ARHGAP28: variants seen among roughly 807,000 people sequenced by gnomAD.
ARHGAP28 encodes the protein rho GTPase-activating protein 28.
A neutral mutation model predicts 90.7 loss-of-function variants in ARHGAP28; 56 were observed. That is an observed-to-expected ratio of 0.62 (90% CI 0.50 to 0.77). The LOEUF (loss-of-function observed/expected upper bound fraction) is 0.77. Among genes scored for constraint, ARHGAP28 ranks in the 30% least tolerant of loss-of-function variants. The pLI, the probability that ARHGAP28 is intolerant of heterozygous loss-of-function variation, is 0.00. For synonymous variants in ARHGAP28, 308 were observed against 323.3 expected (o/e 0.95, Z 0.51); for missense variants, 869 against 900.9 (o/e 0.96, Z 0.45).
intron 1 of ARHGAP28, among the ~76,000 whole-genome samples, chr18:6,766,540 GT>G (rs1272373216): frequency 1.3e-5 from 2 of 152,116 alleles, no homozygotes; most frequent in African/African-American, 4.8e-5. Context: ...TGAGCACAGC[GT>G]GGTACTAAAC....
rs549380700 is a variant in ARHGAP28, at chr18:6,765,096, C to T, written c.122+35153C>T. Among the ~76,000 whole-genome samples, 10 of 152,188 alleles carry T rather than the reference C, an allele frequency of 6.6e-5. 2 individuals carry two copies. The highest frequency in any genetic ancestry group is 1.9e-4 in the East Asian group (1 of 5,184). On this transcript the variant is annotated intron_variant, in intron 1 of 17. Transcript: ENST00000383472. ...GGATTTCTGTGTCTATGTTTGTAAA[C>T]GATGTTGGTCCATAGGTTTTTGTTC...
intron 1 of ARHGAP28, among the ~76,000 whole-genome samples, chr18:6,762,416 T>G (rs2056168792): frequency 6.6e-6 from 1 of 152,228 alleles, no homozygotes; most frequent in Non-Finnish European, 1.5e-5. Context: ...GCTGTTTCTC[T>G]TTTTCAGTCT....
At chr18:6,790,877 G>A (rs576666352) in intron 1 of ARHGAP28, 1 of 152,110 alleles carries the variant, frequency 6.6e-6, no homozygotes, top group Admixed American at 6.5e-5. Context: ...AGAAAAGAAG[G>A]AATGAAAGAA....
chr18:6,829,998 T>C (rs1334773072), intron 2 of ARHGAP28, among the ~76,000 whole-genome samples: 1 of 152,180 alleles, frequency 6.6e-6, no homozygotes, highest in African/African-American at 2.4e-5. Context: ...TGGTGTTCCT[T>C]GGCTGTTGAC....
At chr18:6,842,857 T>G (rs2056837954) in intron 3 of ARHGAP28, among the ~76,000 whole-genome samples, 1 of 152,246 alleles carries the variant, frequency 6.6e-6, no homozygotes, top group South Asian at 2.1e-4. Flanking sequence ...CATAAATATA[T>G]ATACCTACCA....
At chr18:6,890,355 A>G (rs1002067121) in intron 13 of ARHGAP28, 75 bp from the exon 14 acceptor site, 1 of 952,346 alleles carries the variant, frequency 1.1e-6, no homozygotes, top group Non-Finnish European at 1.6e-6. Flanking sequence ...AGGAGTTGCC[A>G]TGCCTGAAGA....
In ARHGAP28 at chr18:6,890,442, T is replaced by A; in HGVS notation, c.1747T>A (p.Leu583Ile). The change falls in exon 14 of 18, where the codon TTA becomes ATA. Residue 583 changes from leucine to isoleucine, a missense_variant. By Grantham distance (5) the Leu-to-Ile change is conservative. Transcript: ENST00000383472. ...TTTTCTTCTCCAGGTTCCATCTTTC[T>A]TAATCACTCAAGTAAGAAGAATGAA... ...QKILWKVPSF[L>I]ITQVRRMNEA... 1 of 1,610,274 alleles carries A rather than the reference T, an allele frequency of 6.2e-7. No homozygotes were observed. Among genetic ancestry groups the A allele is most frequent in the African/African-American group, 1.3e-5 (1 of 74,858 alleles).
At chr18:6,803,891 G>C (rs2056500491) in intron 1 of ARHGAP28, among the ~76,000 whole-genome samples, 1 of 152,058 alleles carries the variant, frequency 6.6e-6, no homozygotes, top group Non-Finnish European at 1.5e-5. Flanking sequence ...CCATTCTCCT[G>C]CCTCAGCCTC....
At chr18:6,892,837 G>A (rs1039592453) in intron 14 of ARHGAP28, among the ~76,000 whole-genome samples, 1 of 152,232 alleles carries the variant, frequency 6.6e-6, no homozygotes, top group Non-Finnish European at 1.5e-5. Context: ...TTGCAGATGA[G>A]CAGTGTGTGT....
At chr18:6,862,829 C>A (rs1308907170) in intron 5 of ARHGAP28, among the ~76,000 whole-genome samples, 1 of 152,178 alleles carries the variant, frequency 6.6e-6, no homozygotes, top group East Asian at 1.9e-4. Flanking sequence ...TGTCTTCTAT[C>A]CTTCAGTGAG....
chr18:6,744,248 G>T (rs77130734), intron 1 of ARHGAP28, among the ~76,000 whole-genome samples: 5 of 152,148 alleles, frequency 3.3e-5, no homozygotes. Context: ...AGGCGTTGCA[G>T]CATGTAACCA....
intron 1 of ARHGAP28, among the ~76,000 whole-genome samples, chr18:6,794,927 C>T (rs1001297137): frequency 6.6e-6 from 1 of 152,118 alleles, no homozygotes; most frequent in Non-Finnish European, 1.5e-5. Flanking sequence ...AAGTGCTCCA[C>T]CCGCCTGGGC....
Position 6,912,161 on chromosome 18 carries a change from C to G in ARHGAP28, c.*7C>G. 6.6e-7 allele frequency: 1 copy of G among 1,508,368 alleles called. No homozygotes were observed. Among genetic ancestry groups the G allele is most frequent in the Non-Finnish European group, 9.2e-7 (1 of 1,090,018 alleles). 93.4% of individuals were successfully genotyped at this position (1,508,368 alleles called of 1,614,324 possible). ...ACCCCAACAAAGTTCTTAAAATATCCTCGAGAGAGCTGCTATCATGTATTA... is the reference window on the plus strand; with the variant it reads ...ACCCCAACAAAGTTCTTAAAATATCGTCGAGAGAGCTGCTATCATGTATTA... On this transcript the variant is annotated 3_prime_UTR_variant, in exon 18 of 18. Transcript: ENST00000383472.
chr18:6,772,962 A>G (rs2143420479), intron 1 of ARHGAP28, among the ~76,000 whole-genome samples: 1 of 152,110 alleles, frequency 6.6e-6, no homozygotes, highest in African/African-American at 2.4e-5. Flanking sequence ...GCTGGTCTCG[A>G]ACTCCTGACC....
At chr18:6,744,843 G>A (rs1203925080) in intron 1 of ARHGAP28, among the ~76,000 whole-genome samples, 1 of 151,980 alleles carries the variant, frequency 6.6e-6, no homozygotes, top group East Asian at 1.9e-4. Context: ...GAATGCTATG[G>A]CACTTTATTT....
intron 11 of ARHGAP28, among the ~76,000 whole-genome samples, chr18:6,884,659 G>A (rs191557097): frequency 9.8e-4 from 149 of 152,286 alleles, no homozygotes; most frequent in Non-Finnish European, 1.7e-3. Flanking sequence ...GAGCTCAACT[G>A]TGTGTTCAGT....
At chr18:6,905,952 T>C (rs1236454581) in intron 16 of ARHGAP28, among the ~76,000 whole-genome samples, 1 of 152,096 alleles carries the variant, frequency 6.6e-6, no homozygotes, top group Non-Finnish European at 1.5e-5. Flanking sequence ...ACAGTAAAGA[T>C]ATCAATTCTC....
intron 1 of ARHGAP28, among the ~76,000 whole-genome samples, chr18:6,788,182 T>C (rs561570050): frequency 6.6e-6 from 1 of 152,218 alleles, no homozygotes; most frequent in South Asian, 2.1e-4. Flanking sequence ...CCCTTGTTAC[T>C]GTATAGTGAG....
chr18:6,861,537 C>T (rs896015226), intron 5 of ARHGAP28, among the ~76,000 whole-genome samples: 12 of 152,138 alleles, frequency 7.9e-5, no homozygotes, highest in African/African-American at 2.7e-4. Flanking sequence ...CCTTGTCGGC[C>T]TCTGTAGCTG....
Sources: gnomAD v4.1 joint callset for allele counts (sites outside exome capture counted in the v4.1 genomes callset) on GRCh38, gnomAD v4.1.1 for gene constraint, MANE v1.5 for transcripts, NCBI Gene and HGNC (gene_info 2026-07-23, HGNC 2026-07-21) for gene names.